ACSF2: variants seen among roughly 807,000 people sequenced by gnomAD.
The protein encoded by ACSF2 is medium-chain acyl-CoA ligase ACSF2, mitochondrial.
ACSF2 carries 52 observed loss-of-function variants against 79.3 expected under a neutral mutation model. The ratio of observed to expected loss-of-function variants is 0.66; its 90% CI spans 0.53 to 0.83. The LOEUF (loss-of-function observed/expected upper bound fraction) is 0.83, where lower values mean the gene tolerates loss of function less well. Ranked by LOEUF, ACSF2 falls within the 40% of genes least tolerant of loss-of-function variation. The pLI is 0.00. For synonymous variants in ACSF2, 283 were observed against 312.6 expected (o/e 0.91, Z 1.00); for missense variants, 661 against 803.3 (o/e 0.82, Z 2.14).
chr17:50,465,972 A>AT, intron 10 of ACSF2: 2 of 1,337,636 alleles, frequency 1.5e-6, no homozygotes, highest in South Asian at 2.6e-5. Flanking sequence ...AACCTGAGCC[A>AT]TAGCACTTTG....
intron 1 of ACSF2, among the ~76,000 whole-genome samples, chr17:50,448,706 CAA>C (rs2143615288): frequency 6.6e-6 from 1 of 152,280 alleles, no homozygotes; most frequent in African/African-American, 2.4e-5. Context: ...GGATCAAAAA[CAA>C]GGGTGGCATC....
intron 1 of ACSF2, among the ~76,000 whole-genome samples, chr17:50,432,546 A>G (rs920640989): frequency 1.3e-5 from 2 of 152,230 alleles, no homozygotes; most frequent in Non-Finnish European, 2.9e-5. Flanking sequence ...CATGCATTCA[A>G]CAGGCCAACA....
At position 50,463,463 on chromosome 17, in the gene ACSF2, A is replaced by G. The variant is rs1015730228; in HGVS notation, c.957A>G (p.Thr319=). The change falls in exon 8 of 16, where the codon ACA becomes ACG. Residue 319 remains threonine (T), a synonymous_variant. Coordinates refer to ENST00000300441, the MANE Select transcript of ACSF2 (RefSeq NM_025149.6). The surrounding 1 kb of genome is among the most constrained non-coding windows in gnomAD (Gnocchi z 4.6). ...LYHCLGSVAG[T]MMCLMYGATL... ...ATTGCCTGGGTTCCGTGGCAGGCAC[A>G]ATGATGTGTCTGATGTACGGTGCCA... 6.2e-7 allele frequency: 1 copy of G among 1,614,014 alleles called. No homozygotes were observed. Among genetic ancestry groups the G allele is most frequent in the Non-Finnish European group, 8.5e-7 (1 of 1,180,034 alleles).
intron 1 of ACSF2, among the ~76,000 whole-genome samples, chr17:50,458,617 T>TG (rs1452921114): frequency 1.3e-5 from 2 of 152,374 alleles, no homozygotes; most frequent in African/African-American, 4.8e-5. Flanking sequence ...ACTGCACTCC[T>TG]GTCTTTCCCA....
Position 50,474,355 on chromosome 17 carries a change from GGA to G in ACSF2, c.1797+93_1797+94del, listed in dbSNP as rs1348786079. 6.5e-7 allele frequency: 1 copy of G among 1,541,230 alleles called. No homozygotes were observed. The highest frequency in any genetic ancestry group is 2.2e-5 in the East Asian group (1 of 44,522). ...CTCTGTTTCCTTCAGCAATGGGTGT[GGA>G]GAGACTGGCAGTAGGGTGACCGGGT... is the stretch of plus-strand genomic sequence containing the variant. On this transcript the variant is annotated intron_variant, in intron 15 of 15. Transcript: ENST00000300441. The surrounding 1 kb of genome is among the most constrained non-coding windows in gnomAD (Gnocchi z 4.2).
At position 50,472,674 on chromosome 17, in the gene ACSF2, T is replaced by G. The variant is rs1040645847; in HGVS notation, c.1475+95T>G. On this transcript the variant is annotated intron_variant, in intron 12 of 15. Coordinates refer to ENST00000300441, the MANE Select transcript of ACSF2 (RefSeq NM_025149.6). ...GAACATTAACCTGGCACCGTGAGGA[T>G]GTGGGTATCAAGATGACCCCTCACA... The G allele has an allele frequency of 3.9e-5, 56 of 1,431,002 alleles. No individual in the cohort carries two copies. In the African/African-American group the frequency reaches 7.5e-4, roughly 19 times the overall value. 88.6% of individuals were successfully genotyped at this position (1,431,002 alleles called of 1,614,324 possible).
chr17:50,444,553 CA>C (rs1285547867), intron 1 of ACSF2, among the ~76,000 whole-genome samples: 1 of 147,192 alleles, frequency 6.8e-6, no homozygotes, highest in Non-Finnish European at 1.5e-5. Context: ...GACTCCGGCC[CA>C]AAAAAAAAGA....
chr17:50,463,871 C>T lies in ACSF2; in HGVS notation c.1100C>T (p.Pro367Leu). 1.9e-6 allele frequency: 3 copies of T among 1,614,154 alleles called. No homozygotes were observed. The highest frequency in any genetic ancestry group is 1.7e-5 in the Admixed American group (1 of 60,022). Reference protein sequence around the residue: ...PTMFVDILNQPDFSSYDISTM... With the variant: ...PTMFVDILNQLDFSSYDISTM... ...ATGTTCGTGGACATTCTGAACCAGC[C>T]AGACTTCTCCAGTTATGACATCTCG... Residue 367 changes from proline (P) to leucine (L), a missense_variant, in exon 9 of 16, where the codon CCA becomes CTA. Transcript: ENST00000300441. This position sits in a 1 kb window ranked among gnomAD's most constrained non-coding sequence, Gnocchi z 4.6.
chr17:50,466,060 A>ATGGTGT (rs778276702), intron 10 of ACSF2, among the ~76,000 whole-genome samples: 31 of 145,908 alleles, frequency 2.1e-4, no homozygotes, highest in Non-Finnish European at 3.0e-4. Flanking sequence ...TTTGAGACAG[A>ATGGTGT]TGGTGTTATT....
rs769485871 is a variant in ACSF2, at chr17:50,471,066, C to T, written c.1254C>T (p.Phe418=). 9 of 1,613,932 alleles carry T rather than the reference C, an allele frequency of 5.6e-6. No homozygotes were observed. Among genetic ancestry groups the T allele is most frequent in the South Asian group, 2.2e-5 (2 of 91,046 alleles). Residue 418 remains phenylalanine, a synonymous_variant, in exon 11 of 16, where the codon TTC becomes TTT. Coordinates refer to ENST00000300441, the MANE Select transcript of ACSF2 (RefSeq NM_025149.6). This position sits in a 1 kb window ranked among gnomAD's most constrained non-coding sequence, Gnocchi z 4.1. ...CCACAGAGAACAGTCCCGTGACATT[C>T]GCGCACTTCCCTGAGGACACTGTGG... is the stretch of plus-strand genomic sequence containing the variant. The part of the protein sequence containing the change: ...YGTTENSPVT[F]AHFPEDTVEQ...
rs554849092 is a variant in ACSF2, at chr17:50,463,308, G to A, written c.888+57G>A. On this transcript the variant is annotated intron_variant, in intron 7 of 15. Transcript: ENST00000300441. The surrounding 1 kb of genome is among the most constrained non-coding windows in gnomAD (Gnocchi z 4.6). ...CAGGAGGGGTGGCTCAGGCAGGGGT[G>A]GGGGGCTGGCTGGGCTCCCCTTGCC... The A allele has an allele frequency of 3.7e-6, 6 of 1,610,998 alleles. No homozygotes were observed. In the East Asian group the frequency reaches 1.1e-4, roughly 30 times the overall value.
At chr17:50,462,886 G>A in intron 6 of ACSF2, 1 of 579,926 alleles carries the variant, frequency 1.7e-6, no homozygotes, top group South Asian at 2.3e-5. Flanking sequence ...AGGAATCAGA[G>A]ACGCAGAAGA....
chr17:50,436,558 C>T lies in ACSF2; in HGVS notation c.128+10169C>T, dbSNP rs147561028. Among the ~76,000 whole-genome samples the T allele has an allele frequency of 1.1e-4, 16 of 152,282 alleles. No individual in the cohort carries two copies. In the East Asian group the frequency reaches 3.1e-3, roughly 29 times the overall value. On this transcript the variant is annotated intron_variant, in intron 1 of 15. Transcript: ENST00000300441. The stretch of plus-strand genomic sequence containing the variant: ...AGTAAGTTTTCCTGCCTCAGCCTCC[C>T]GAGTAGCTGGGATTACAGGCATGTG...
intron 1 of ACSF2, among the ~76,000 whole-genome samples, chr17:50,443,402 A>T (rs1177054175): frequency 1.3e-5 from 2 of 152,228 alleles, no homozygotes; most frequent in African/African-American, 4.8e-5. Flanking sequence ...TTTGAAGCTA[A>T]CACAGTTTGG....
intron 10 of ACSF2, chr17:50,465,234 C>A (rs2032622306): frequency 6.2e-7 from 1 of 1,601,212 alleles, no homozygotes; most frequent in South Asian, 1.1e-5. Context: ...TGGAAGATAC[C>A]AGCTCACTTG....
intron 1 of ACSF2, among the ~76,000 whole-genome samples, chr17:50,437,519 G>T (rs963387393): frequency 6.6e-6 from 1 of 152,054 alleles, no homozygotes; most frequent in African/African-American, 2.4e-5. Flanking sequence ...CCAGCTGAGC[G>T]TGTGGCTCCT....
intron 1 of ACSF2, among the ~76,000 whole-genome samples, chr17:50,454,853 T>C (rs1476215821): frequency 1.3e-5 from 2 of 152,140 alleles, no homozygotes; most frequent in Non-Finnish European, 2.9e-5. Flanking sequence ...CTGGATTTTT[T>C]TTTTTCCCCC....
chr17:50,452,889 C>T (rs1041000226), intron 1 of ACSF2, among the ~76,000 whole-genome samples: 1 of 152,172 alleles, frequency 6.6e-6, no homozygotes, highest in Non-Finnish European at 1.5e-5. Context: ...CCAACTCAAC[C>T]CTGCCCTACC....
Position 50,453,504 on chromosome 17 carries a change from G to A in ACSF2, c.129-7173G>A, listed in dbSNP as rs188099554. 5.9e-5 allele frequency among the ~76,000 whole-genome samples: 9 copies of A among 151,980 alleles called. No individual in the cohort carries two copies. The East Asian group carries it at 1.2e-3, about 20-fold the overall frequency. ...GTTACAGGCGTGAGCCACCGCGCTC[G>A]GCCTCACCTGCATTTTTCTAGGATT... On this transcript the variant is annotated intron_variant, in intron 1 of 15. Transcript: ENST00000300441.
Sources: gnomAD v4.1 joint callset for allele counts (sites outside exome capture counted in the v4.1 genomes callset) on GRCh38, gnomAD v4.1.1 for gene constraint, Gnocchi (gnomAD v3.1) non-coding constraint, MANE v1.5 for transcripts, NCBI Gene and HGNC (gene_info 2026-07-23, HGNC 2026-07-21) for gene names.